Variants in DPP10 observed in about 807,000 individuals in gnomAD.
DPP10 encodes inactive dipeptidyl peptidase 10.
DPP10 carries 33 observed loss-of-function variants against 120.9 expected under a neutral mutation model. The observed-to-expected ratio is 0.27, with a 90% CI of 0.21 to 0.37. DPP10 has a LOEUF of 0.37. DPP10 is among the 10% of genes least tolerant of loss of function. The pLI is 1.00. For missense variants in DPP10, 816 were observed against 942.8 expected (o/e 0.87, Z 1.76); for synonymous variants, 337 against 326.1 (o/e 1.03, Z -0.36).
chr2:115,582,254 G>T (rs2082042227), intron 5 of DPP10, among the ~76,000 whole-genome samples: 1 of 134,232 alleles, frequency 7.4e-6, no homozygotes, highest in Non-Finnish European at 1.6e-5. Flanking sequence ...TGCTCAGTGT[G>T]TTTACTGAAG....
intron 3 of DPP10, among the ~76,000 whole-genome samples, chr2:115,390,399 C>T (rs942194536): frequency 4.6e-5 from 7 of 152,136 alleles, no homozygotes; most frequent in Admixed American, 2.0e-4. Context: ...GTTGATGACA[C>T]GTTGCATGTG....
intron 3 of DPP10, among the ~76,000 whole-genome samples, chr2:115,457,181 T>C (rs2073626306): frequency 6.6e-6 from 1 of 151,908 alleles, no homozygotes; most frequent in South Asian, 2.1e-4. Context: ...AATAGTATTT[T>C]CAACAAATGG....
intron 17 of DPP10, among the ~76,000 whole-genome samples, chr2:115,783,866 C>T (rs776616483): frequency 2.0e-5 from 3 of 152,070 alleles, no homozygotes; most frequent in Non-Finnish European, 4.4e-5. Context: ...ACATCAGTGT[C>T]CTCCGAGACA....
At chr2:115,440,709 C>G (rs1205341511) in intron 3 of DPP10, among the ~76,000 whole-genome samples, 2 of 152,086 alleles carry the variant, frequency 1.3e-5, no homozygotes, top group Admixed American at 1.3e-4. Context: ...AAAATGGTTA[C>G]AGAGAGATAA....
chr2:114,641,399 G>A (rs1695697099), intron 1 of DPP10, among the ~76,000 whole-genome samples: 1 of 151,844 alleles, frequency 6.6e-6, no homozygotes, highest in Admixed American at 6.6e-5. Context: ...TCTTGTGATT[G>A]CTCAGTAGAA....
intron 1 of DPP10, among the ~76,000 whole-genome samples, chr2:114,641,805 G>T (rs1695726742): frequency 6.6e-6 from 1 of 151,870 alleles, no homozygotes; most frequent in Non-Finnish European, 1.5e-5. Context: ...ATTATATTTT[G>T]TCTTTTTTTA....
In DPP10 at chr2:115,380,913, T is replaced by A. The variant is rs866720820; in HGVS notation, c.271+37001T>A. Reference sequence around the variant, plus strand: ...TCTTCTGGCTTGTAGAGTTTCTGCCTAGAGATCCGCTGTTAGTCTGATGGG... The same window carrying A: ...TCTTCTGGCTTGTAGAGTTTCTGCCAAGAGATCCGCTGTTAGTCTGATGGG... On this transcript the variant is annotated intron_variant, in intron 3 of 25. Coordinates refer to ENST00000410059, the MANE Select transcript of DPP10 (RefSeq NM_020868.6). 2.0e-5 allele frequency among the ~76,000 whole-genome samples: 3 copies of A among 147,370 alleles called. No individual in the cohort carries two copies. In the Admixed American group the frequency reaches 2.1e-4, roughly 10 times the overall value.
intron 1 of DPP10, among the ~76,000 whole-genome samples, chr2:114,668,808 T>C (rs781733162): frequency 2.6e-5 from 4 of 152,184 alleles, no homozygotes; most frequent in Admixed American, 6.5e-5. Flanking sequence ...TATTCTCTGA[T>C]AGGAGACTTT....
chr2:114,887,694 G>A (rs1692186488), intron 1 of DPP10, among the ~76,000 whole-genome samples: 1 of 152,200 alleles, frequency 6.6e-6, no homozygotes, highest in Non-Finnish European at 1.5e-5. Flanking sequence ...ATTGCTACTA[G>A]CATTTGGAGA....
intron 4 of DPP10, among the ~76,000 whole-genome samples, chr2:115,521,298 G>A (rs535388487): frequency 1.3e-5 from 2 of 152,212 alleles, no homozygotes; most frequent in East Asian, 1.9e-4. Context: ...ATGGATTTAC[G>A]TGGAACATAA....
At chr2:114,765,599 T>C (rs1680643050) in intron 1 of DPP10, among the ~76,000 whole-genome samples, 1 of 152,184 alleles carries the variant, frequency 6.6e-6, no homozygotes. Flanking sequence ...TAACATGCAT[T>C]GTATTTTAGA....
At chr2:115,538,038 T>G (rs753037610) in intron 5 of DPP10, among the ~76,000 whole-genome samples, 10 of 152,022 alleles carry the variant, frequency 6.6e-5, no homozygotes, top group Non-Finnish European at 1.5e-4. Flanking sequence ...TCTGCAACAC[T>G]GTAGCCTTGA....
intron 1 of DPP10, among the ~76,000 whole-genome samples, chr2:114,975,030 TAGA>T (rs1337830804): frequency 6.6e-6 from 1 of 151,682 alleles, no homozygotes; most frequent in Non-Finnish European, 1.5e-5. Context: ...GAAAAATATC[TAGA>T]AGGATTTGCT....
intron 1 of DPP10, among the ~76,000 whole-genome samples, chr2:114,914,334 G>T (rs994845325): frequency 6.6e-5 from 10 of 152,144 alleles, no homozygotes; most frequent in Admixed American, 5.9e-4. Flanking sequence ...CGTACAAAGG[G>T]AACCCTATCA....
At position 114,948,747 on chromosome 2, in the gene DPP10, A is replaced by G. The variant is rs184067457; in HGVS notation, c.61-360492A>G. Among the ~76,000 whole-genome samples the G allele has an allele frequency of 2.2e-3, 336 of 152,240 alleles. 5 individuals carry two copies. The highest frequency in any genetic ancestry group is 7.7e-3 in the African/African-American group (321 of 41,538). The stretch of plus-strand genomic sequence containing the variant: ...TATATTAGTCTGTTTTCACATTGCT[A>G]TAAAGAACTACCTGAGACTGGGTAA... On this transcript the variant is annotated intron_variant, in intron 1 of 25. Coordinates refer to ENST00000410059, the MANE Select transcript of DPP10 (RefSeq NM_020868.6).
Position 114,725,989 on chromosome 2 carries a change from T to C in DPP10, c.60+283151T>C, listed in dbSNP as rs182199795. Among the ~76,000 whole-genome samples, 1,054 of 152,180 alleles carry C rather than the reference T, an allele frequency of 6.9e-3. 8 individuals are homozygous for C. The highest frequency in any genetic ancestry group is 0.024 in the African/African-American group (982 of 41,528). On this transcript the variant is annotated intron_variant, in intron 1 of 25. Coordinates refer to ENST00000410059, the MANE Select transcript of DPP10 (RefSeq NM_020868.6). ...GGCTCAAGCCTGTAATCCCAGCACT[T>C]TGGGAGGCCGAGGCGGGCAGATCAC...
intron 1 of DPP10, among the ~76,000 whole-genome samples, chr2:114,662,230 G>A (rs915613603): frequency 1.3e-5 from 2 of 152,222 alleles, no homozygotes; most frequent in African/African-American, 4.8e-5. Context: ...CCTGAGGGGG[G>A]AGACTGGAAA....
intron 7 of DPP10, among the ~76,000 whole-genome samples, chr2:115,716,658 G>A (rs2149593312): frequency 6.6e-6 from 1 of 152,126 alleles, no homozygotes; most frequent in Admixed American, 6.5e-5. Context: ...TTTTACTGGT[G>A]TACATTGTGT....
intron 8 of DPP10, among the ~76,000 whole-genome samples, chr2:115,731,498 C>G (rs1376933595): frequency 1.3e-5 from 2 of 152,088 alleles, no homozygotes; most frequent in Non-Finnish European, 2.9e-5. Context: ...TGCACTCCAG[C>G]CTGGGCAACA....
Sources: allele counts gnomAD v4.1 joint callset (sites outside exome capture counted in the v4.1 genomes callset), GRCh38; gene constraint gnomAD v4.1.1; transcripts MANE v1.5; gene names NCBI Gene and HGNC (gene_info 2026-07-23, HGNC 2026-07-21).